RAI2: variants seen among roughly 807,000 people sequenced by gnomAD.
RAI2 encodes the protein retinoic acid induced 2.
Under a neutral mutation model 15.3 loss-of-function variants are expected in RAI2, and 5 were observed. The ratio of observed to expected loss-of-function variants is 0.33; its 90% CI spans 0.17 to 0.69. RAI2 has a LOEUF of 0.69. Ranked by LOEUF, RAI2 falls within the 30% of genes least tolerant of loss-of-function variation. The pLI, the probability that RAI2 is intolerant of heterozygous loss-of-function variation, is 0.69. For missense variants in RAI2, 424 were observed against 424.7 expected (o/e 1.00, Z 0.01); for synonymous variants, 191 against 184.0 (o/e 1.04, Z -0.31).
intron 1 of RAI2, among the ~76,000 whole-genome samples, chrX:17,802,482 G>C (rs1199787625): frequency 8.9e-6 from 1 of 112,395 alleles, no homozygotes. Flanking sequence ...TGTCACATGT[G>C]AATATGCTAT....
At chrX:17,822,284 G>T (rs1457611923) in intron 1 of RAI2, among the ~76,000 whole-genome samples, 1 of 111,883 alleles carries the variant, frequency 8.9e-6, no homozygotes, top group East Asian at 2.8e-4. Flanking sequence ...GGGTTTAAAG[G>T]TTCACTTACC....
intron 1 of RAI2, among the ~76,000 whole-genome samples, chrX:17,848,870 C>T (rs1246557155): frequency 1.8e-5 from 2 of 112,532 alleles, no homozygotes; most frequent in Admixed American, 1.9e-4. Flanking sequence ...TCAGGCAGTT[C>T]CTAGAGCCCA....
chrX:17,805,073 G>A (rs1242439445), intron 1 of RAI2, among the ~76,000 whole-genome samples: 1 of 112,547 alleles, frequency 8.9e-6, no homozygotes, highest in Non-Finnish European at 1.9e-5. Flanking sequence ...CCATTTTGTT[G>A]GTGGAAAAAC....
At chrX:17,811,590 C>T (rs1441028780) in intron 1 of RAI2, among the ~76,000 whole-genome samples, 1 of 112,232 alleles carries the variant, frequency 8.9e-6, no homozygotes, top group African/African-American at 3.2e-5. Context: ...GTTTATAATC[C>T]TGTGTCATTA....
chrX:17,856,194 C>T (rs2067600840), intron 1 of RAI2, among the ~76,000 whole-genome samples: 1 of 112,216 alleles, frequency 8.9e-6, no homozygotes, highest in Admixed American at 9.4e-5. Context: ...GTTCAAGGAG[C>T]CCAGCCCTAT....
intron 1 of RAI2, among the ~76,000 whole-genome samples, chrX:17,840,195 T>G (rs771334130): frequency 8.9e-6 from 1 of 112,317 alleles, no homozygotes; most frequent in African/African-American, 3.2e-5. Context: ...TTTTAAAATC[T>G]TGGATTACCA....
At chrX:17,852,223 T>C (rs1787141427) in intron 1 of RAI2, among the ~76,000 whole-genome samples, 1 of 112,131 alleles carries the variant, frequency 8.9e-6, no homozygotes, top group Non-Finnish European at 1.9e-5. Context: ...TCTCTCTTCA[T>C]GGCGACAAGG....
intron 1 of RAI2, among the ~76,000 whole-genome samples, chrX:17,831,422 C>T (rs1280576757): frequency 9.0e-6 from 1 of 111,468 alleles, no homozygotes; most frequent in Non-Finnish European, 1.9e-5. Flanking sequence ...GAGTACATGT[C>T]CATTAGTTTT....
intron 1 of RAI2, among the ~76,000 whole-genome samples, chrX:17,819,833 A>C (rs1569347321): frequency 8.9e-6 from 1 of 112,345 alleles, no homozygotes; most frequent in East Asian, 2.8e-4. Flanking sequence ...AGAGGGAATG[A>C]ATTGGAAAGG....
At chrX:17,856,177 T>A (rs2147288290) in intron 1 of RAI2, among the ~76,000 whole-genome samples, 1 of 112,381 alleles carries the variant, frequency 8.9e-6, no homozygotes, top group African/African-American at 3.2e-5. Flanking sequence ...ATTACAAGGA[T>A]TGGGATGTTC....
At chrX:17,810,959 T>C (rs1460065553) in intron 1 of RAI2, among the ~76,000 whole-genome samples, 1 of 112,486 alleles carries the variant, frequency 8.9e-6, no homozygotes, top group Admixed American at 9.4e-5. Flanking sequence ...ATTCTGAAGA[T>C]ATTAACCAAA....
chrX:17,800,447 G>A lies in RAI2; in HGVS notation c.1564C>T (p.Arg522Trp), dbSNP rs760061479. 8.4e-7 allele frequency: 1 copy of A among 1,195,325 alleles called. No homozygotes were observed. The highest frequency in any genetic ancestry group is 1.1e-6 in the Non-Finnish European group (1 of 888,979). Residue 522 changes from arginine (R) to tryptophan (W), a missense_variant, in exon 2 of 2, where the codon CGG (arginine) becomes TGG (tryptophan). By Grantham distance (101) the Arg-to-Trp change is moderately radical (BLOSUM62 -3). Transcript: ENST00000451717. ...EIHMLPIKKQ[R>W]LATFFPRK ...TTTCTTGGAAAAAAGGTGGCCAGCC[G>A]TTGTTTTTTGATTGGGAGCATGTGT...
intron 1 of RAI2, among the ~76,000 whole-genome samples, chrX:17,841,007 TGTGA>T (rs1158720578): frequency 8.9e-6 from 1 of 112,191 alleles, no homozygotes; most frequent in Non-Finnish European, 1.9e-5. Flanking sequence ...TGACTTTGTT[TGTGA>T]GTGTTTATTT....
At chrX:17,833,261 C>A (rs2067301550) in intron 1 of RAI2, among the ~76,000 whole-genome samples, 1 of 111,661 alleles carries the variant, frequency 9.0e-6, no homozygotes, top group African/African-American at 3.3e-5. Context: ...GTGGCTCAGG[C>A]CTGTAATCTC....
At chrX:17,835,474 TCATATTCC>T (rs1291876552) in intron 1 of RAI2, among the ~76,000 whole-genome samples, 1 of 112,015 alleles carries the variant, frequency 8.9e-6, no homozygotes, top group Non-Finnish European at 1.9e-5. Context: ...ATCTGTGCCT[TCATATTCC>T]CTGCTCCCCA....
At chrX:17,850,494 C>T (rs1429298426) in intron 1 of RAI2, among the ~76,000 whole-genome samples, 1 of 112,499 alleles carries the variant, frequency 8.9e-6, no homozygotes, top group African/African-American at 3.2e-5. Context: ...CAGTTTTGCC[C>T]CCTCAAACTC....
chrX:17,854,433 C>G (rs1422178755), intron 1 of RAI2, among the ~76,000 whole-genome samples: 1 of 112,145 alleles, frequency 8.9e-6, no homozygotes. Context: ...CTATGTGGTT[C>G]TGCAGTGCCC....
intron 1 of RAI2, among the ~76,000 whole-genome samples, chrX:17,849,129 C>T: frequency 8.9e-6 from 1 of 112,360 alleles, no homozygotes; most frequent in Admixed American, 9.3e-5. Flanking sequence ...CACACTTGCC[C>T]TTGAGAACTG....
At chrX:17,848,550 G>C (rs2147276062) in intron 1 of RAI2, among the ~76,000 whole-genome samples, 1 of 110,082 alleles carries the variant, frequency 9.1e-6, no homozygotes, top group African/African-American at 3.3e-5. Flanking sequence ...CAAGTGTTAA[G>C]GTGGCTGACA....
Sources: allele counts gnomAD v4.1 joint callset (sites outside exome capture counted in the v4.1 genomes callset), GRCh38; gene constraint gnomAD v4.1.1; transcripts MANE v1.5; gene names NCBI Gene and HGNC (gene_info 2026-07-23, HGNC 2026-07-21).